TBC1D5: variants seen among roughly 807,000 people sequenced by gnomAD.
TBC1D5 encodes the protein TBC1 domain family, member 5.
In TBC1D5, 75 loss-of-function variants were observed where a neutral mutation model predicts 100.3. The ratio of observed to expected loss-of-function variants is 0.75; its 90% confidence interval spans 0.62 to 0.91. The LOEUF (loss-of-function observed/expected upper bound fraction) is 0.91. Ranked by LOEUF, TBC1D5 falls within the 40% of genes least tolerant of loss-of-function variation. The pLI, the probability that TBC1D5 is intolerant of heterozygous loss-of-function variation, is 0.00. For synonymous variants in TBC1D5, 323 were observed against 325.6 expected, an observed-to-expected ratio of 0.99 and a Z score of 0.09; for missense variants, 910 against 942.4, an observed-to-expected ratio of 0.97 and a Z score of 0.45.
intron 2 of TBC1D5, among the ~76,000 whole-genome samples, chr3:17,520,295 T>G (rs963414373): frequency 1.3e-5 from 2 of 152,180 alleles, no homozygotes; most frequent in East Asian, 1.9e-4. Context: ...ATAATTTAAC[T>G]AAAGCAAACA....
At chr3:17,720,972 T>C (rs1035918143) in intron 1 of TBC1D5, among the ~76,000 whole-genome samples, 7 of 152,076 alleles carry the variant, frequency 4.6e-5, no homozygotes, top group African/African-American at 1.7e-4. Context: ...TCCAAGTAGC[T>C]GGGATCACAG....
At chr3:17,320,633 A>G (rs765389388) in intron 13 of TBC1D5, among the ~76,000 whole-genome samples, 1 of 152,174 alleles carries the variant, frequency 6.6e-6, no homozygotes, top group Non-Finnish European at 1.5e-5. Context: ...ACCTAATAAC[A>G]TAACACTCAT....
chr3:17,422,751 T>C (rs1286067357), intron 4 of TBC1D5, among the ~76,000 whole-genome samples: 1 of 152,154 alleles, frequency 6.6e-6, no homozygotes, highest in Non-Finnish European at 1.5e-5. Context: ...CCTCCAAAAT[T>C]ATTGATTATA....
chr3:17,638,902 T>C (rs906188881), intron 1 of TBC1D5, among the ~76,000 whole-genome samples: 1 of 152,118 alleles, frequency 6.6e-6, no homozygotes, highest in Non-Finnish European at 1.5e-5. Context: ...GGGATCCTCA[T>C]ACATTGTTAA....
chr3:17,524,427 T>TA (rs2096104630), intron 2 of TBC1D5, among the ~76,000 whole-genome samples: 2 of 152,206 alleles, frequency 1.3e-5, no homozygotes, highest in Admixed American at 1.3e-4. Context: ...GTATCCTACT[T>TA]ATATATCCTC....
In TBC1D5 at chr3:17,476,141, T is replaced by C. The variant is rs2095435269; in HGVS notation, c.97+32333A>G. On this transcript the variant is annotated intron_variant, in intron 3 of 21. Coordinates refer to ENST00000253692, the Ensembl canonical transcript of TBC1D5. ...TATCATCTTTTCTTAGACTGTGGTTTGTATTTTCACTCTGTTTACAGTATC... is the reference window on the plus strand; with the variant it reads ...TATCATCTTTTCTTAGACTGTGGTTCGTATTTTCACTCTGTTTACAGTATC... Among the ~76,000 whole-genome samples the C allele has an allele frequency of 2.6e-5, 4 of 152,110 alleles. No individual in the cohort carries two copies. In the South Asian group the frequency reaches 8.3e-4, roughly 32 times the overall value.
intron 1 of TBC1D5, among the ~76,000 whole-genome samples, chr3:17,636,817 T>C (rs1381131916): frequency 2.0e-5 from 3 of 151,052 alleles, no homozygotes; most frequent in Non-Finnish European, 1.5e-5. Context: ...AAAAAGAATA[T>C]AGTAGTAGCA....
intron 18 of TBC1D5, among the ~76,000 whole-genome samples, chr3:17,194,980 G>C (rs1000612961): frequency 1.3e-5 from 2 of 152,162 alleles, no homozygotes; most frequent in Non-Finnish European, 2.9e-5. Context: ...CTTTAATTAG[G>C]ACCAACTTCA....
At chr3:17,532,864 A>C (rs1560102472) in intron 2 of TBC1D5, among the ~76,000 whole-genome samples, 1 of 151,860 alleles carries the variant, frequency 6.6e-6, no homozygotes, top group Non-Finnish European at 1.5e-5. Context: ...GAGGGATAGC[A>C]TTAGGAGATA....
chr3:17,319,805 G>A (rs1301183678), intron 13 of TBC1D5, among the ~76,000 whole-genome samples: 2 of 152,122 alleles, frequency 1.3e-5, no homozygotes, highest in East Asian at 1.9e-4. Context: ...GGGAGGCGGA[G>A]CTTGCAGTGG....
intron 16 of TBC1D5, among the ~76,000 whole-genome samples, chr3:17,256,951 G>A (rs1328154291): frequency 6.6e-6 from 1 of 152,098 alleles, no homozygotes; most frequent in Non-Finnish European, 1.5e-5. Context: ...AGGTGCACAG[G>A]CCCTAAGCAA....
intron 1 of TBC1D5, among the ~76,000 whole-genome samples, chr3:17,682,095 G>A (rs2069568477): frequency 6.6e-6 from 1 of 151,132 alleles, no homozygotes; most frequent in Non-Finnish European, 1.5e-5. Context: ...AATCCCTGGT[G>A]CCAAAAAGGT....
At chr3:17,337,814 T>C (rs2088178315) in intron 13 of TBC1D5, among the ~76,000 whole-genome samples, 1 of 152,180 alleles carries the variant, frequency 6.6e-6, no homozygotes, top group Non-Finnish European at 1.5e-5. Context: ...CCAAAATGGA[T>C]AGTTTGATTT....
chr3:17,290,309 A>G (rs1366995715), intron 15 of TBC1D5, among the ~76,000 whole-genome samples: 2 of 152,234 alleles, frequency 1.3e-5, no homozygotes, highest in African/African-American at 4.8e-5. Flanking sequence ...TCATACTAAC[A>G]TGAAAGGGCA....
chr3:17,731,287 G>C lies in TBC1D5; in HGVS notation c.-101+8056C>G, dbSNP rs376835735. On this transcript the variant is annotated intron_variant, in intron 1 of 21. Transcript: ENST00000253692. ...GGAGGCCGAGGCGGGCGGATCACGA[G>C]GTCAAGAGATTGAGACCATCCTCGC... 1.1e-3 allele frequency among the ~76,000 whole-genome samples: 160 copies of C among 152,182 alleles called. 2 individuals are homozygous for C. In the South Asian group the frequency reaches 0.018, roughly 18 times the overall value.
At chr3:17,528,204 C>T (rs942331108) in intron 2 of TBC1D5, among the ~76,000 whole-genome samples, 1 of 152,122 alleles carries the variant, frequency 6.6e-6, no homozygotes, top group Admixed American at 6.5e-5. Context: ...AGACTACAGG[C>T]GTGAGCCACC....
intron 19 of TBC1D5, among the ~76,000 whole-genome samples, chr3:17,172,540 C>T (rs1468379694): frequency 6.6e-6 from 1 of 152,194 alleles, no homozygotes; most frequent in African/African-American, 2.4e-5. Flanking sequence ...AGATTACACT[C>T]TTTATAATCT....
At chr3:17,466,325 T>G (rs1312391767) in intron 3 of TBC1D5, among the ~76,000 whole-genome samples, 1 of 152,192 alleles carries the variant, frequency 6.6e-6, no homozygotes, top group East Asian at 1.9e-4. Flanking sequence ...TGTGCCTAGA[T>G]GAAATGCACA....
At chr3:17,614,502 A>G (rs1393855393) in intron 2 of TBC1D5, among the ~76,000 whole-genome samples, 1 of 152,128 alleles carries the variant, frequency 6.6e-6, no homozygotes, top group Non-Finnish European at 1.5e-5. Flanking sequence ...CACAATGTTG[A>G]TTCCTCCTAT....
Sources: gnomAD v4.1 joint callset for allele counts (sites outside exome capture counted in the v4.1 genomes callset) on GRCh38, gnomAD v4.1.1 for gene constraint, MANE v1.5 for transcripts, NCBI Gene and HGNC (gene_info 2026-07-23, HGNC 2026-07-21) for gene names.